Variants in RAB27B observed in about 807,000 individuals in gnomAD.
RAB27B encodes ras-related protein Rab-27B.
Under a neutral mutation model 24.6 loss-of-function variants are expected in RAB27B, and 15 were observed. The observed-to-expected ratio is 0.61, with a 90% CI of 0.41 to 0.94. RAB27B has a LOEUF of 0.94. RAB27B is among the 40% of genes least tolerant of loss of function. The probability of loss-of-function intolerance (pLI) is 0.00; values close to 1 mark genes in which losing one functional copy is unlikely to be tolerated. For missense variants in RAB27B, 261 were observed against 266.8 expected, an observed-to-expected ratio of 0.98 and a Z score of 0.15; for synonymous variants, 105 against 92.5, an observed-to-expected ratio of 1.14 and a Z score of -0.78.
At chr18:54,829,068 A>C (rs1251190491) in intron 1 of RAB27B, among the ~76,000 whole-genome samples, 1 of 152,234 alleles carries the variant, frequency 6.6e-6, no homozygotes, top group Non-Finnish European at 1.5e-5. Context: ...ATGGATGATG[A>C]TGTGCTCAGA....
At chr18:54,887,628 A>G (rs954770119) in intron 4 of RAB27B, among the ~76,000 whole-genome samples, 6 of 152,172 alleles carry the variant, frequency 3.9e-5, no homozygotes, top group East Asian at 1.9e-4. Context: ...CTTCATATAT[A>G]TTATTAGAAG....
intron 2 of RAB27B, among the ~76,000 whole-genome samples, chr18:54,793,101 T>C (rs1215959017): frequency 6.6e-6 from 1 of 152,184 alleles, no homozygotes; most frequent in Non-Finnish European, 1.5e-5. Context: ...CTGTAGTTTT[T>C]TTTTTTTTTA....
intron 2 of RAB27B, among the ~76,000 whole-genome samples, chr18:54,778,592 C>G (rs1908789725): frequency 6.6e-6 from 1 of 152,160 alleles, no homozygotes; most frequent in African/African-American, 2.4e-5. Flanking sequence ...TGATTCTGTC[C>G]TCCTGGAGTA....
chr18:54,822,120 C>T (rs1474329066), intron 2 of RAB27B, among the ~76,000 whole-genome samples: 1 of 152,072 alleles, frequency 6.6e-6, no homozygotes, highest in African/African-American at 2.4e-5. Flanking sequence ...GATAATTTCC[C>T]AAATTATACC....
rs1288483959 is a variant in RAB27B, at chr18:54,894,307, C to A, written c.*4894C>A. 1.3e-5 allele frequency: 2 copies of A among 151,930 alleles called. No individual in the cohort carries two copies. Among genetic ancestry groups the A allele is most frequent in the Non-Finnish European group, 2.9e-5 (2 of 67,888 alleles). The allele number at this position is 151,930 out of a possible 1,614,324, so 9.4% of individuals were successfully genotyped here. On this transcript the variant is annotated 3_prime_UTR_variant, in exon 6 of 6. Transcript: ENST00000262094. ...GTCATCTTTTCATTAAGTGGATTCC[C>A]TGGTTCCTTTCCAGCTGGTTGTGGA...
rs1309881386 is a variant in RAB27B, at chr18:54,828,496, A to C, written c.-224A>C. ...CCTGCCACTCGCAGTCCTGACGGGC[A>C]GGGGCTGCGGACCGCCCGGCCTTGG... On this transcript the variant is annotated 5_prime_UTR_variant, in exon 1 of 6. Coordinates refer to ENST00000262094, the MANE Select transcript of RAB27B (RefSeq NM_004163.4). 1 of 152,300 alleles carries C rather than the reference A, an allele frequency of 6.6e-6. No homozygotes were observed. Among genetic ancestry groups the C allele is most frequent in the African/African-American group, 2.4e-5 (1 of 41,460 alleles). 9.4% of individuals were successfully genotyped at this position (152,300 alleles called of 1,614,324 possible).
intron 2 of RAB27B, among the ~76,000 whole-genome samples, chr18:54,774,849 ATT>A (rs1908666454): frequency 6.6e-6 from 1 of 152,002 alleles, no homozygotes; most frequent in South Asian, 2.1e-4. Context: ...GCTGATGTTT[ATT>A]TGTATATTCT....
intron 3 of RAB27B, chr18:54,880,117 A>G (rs1177545780): frequency 6.6e-6 from 1 of 152,220 alleles, no homozygotes; most frequent in Non-Finnish European, 1.5e-5. Flanking sequence ...CATGAAATGA[A>G]CATTCTATTT....
chr18:54,783,295 A>G (rs976131600), intron 2 of RAB27B, among the ~76,000 whole-genome samples: 1 of 152,084 alleles, frequency 6.6e-6, no homozygotes, highest in Non-Finnish European at 1.5e-5. Flanking sequence ...TGCTTTTGGC[A>G]ACACACAAAG....
At chr18:54,878,760 T>TA (rs56249324) in intron 2 of RAB27B, among the ~76,000 whole-genome samples, 99,011 of 151,846 alleles carry the variant, frequency 0.65, 34,212 homozygotes, top group East Asian at 0.77. Flanking sequence ...AGAATTTTTT[T>TA]AAAAAAATTA....
intron 2 of RAB27B, among the ~76,000 whole-genome samples, chr18:54,792,526 A>ACACC (rs1447233808): frequency 6.6e-6 from 1 of 152,240 alleles, no homozygotes; most frequent in African/African-American, 2.4e-5. Flanking sequence ...ACTTAAATGA[A>ACACC]CACCCACGTT....
chr18:54,750,400 A>G (rs879291575), intron 2 of RAB27B, among the ~76,000 whole-genome samples: 1 of 152,214 alleles, frequency 6.6e-6, no homozygotes, highest in Admixed American at 6.5e-5. Flanking sequence ...GAACAACTGT[A>G]TAGAAATTGG....
chr18:54,798,098 T>C (rs1168075461), intron 2 of RAB27B, among the ~76,000 whole-genome samples: 1 of 152,222 alleles, frequency 6.6e-6, no homozygotes, highest in African/African-American at 2.4e-5. Flanking sequence ...TTCTCTTTCT[T>C]TTTCTCTGAT....
intron 2 of RAB27B, among the ~76,000 whole-genome samples, chr18:54,812,550 AACACACAC>A (rs10595171): frequency 0.16 from 22,554 of 139,088 alleles, 2,032 homozygotes; most frequent in East Asian, 0.36. Flanking sequence ...GAACTCCTTT[AACACACAC>A]ACACACACAC....
At chr18:54,811,462 C>T (rs1187421797) in intron 2 of RAB27B, among the ~76,000 whole-genome samples, 1 of 152,154 alleles carries the variant, frequency 6.6e-6, no homozygotes. Context: ...CAAACTACTG[C>T]ATTTTGAGAC....
chr18:54,811,051 A>T (rs1473989202), intron 2 of RAB27B, among the ~76,000 whole-genome samples: 1 of 151,960 alleles, frequency 6.6e-6, no homozygotes, highest in Non-Finnish European at 1.5e-5. Context: ...CCTATGAAAA[A>T]ATATAGCCTA....
chr18:54,888,183 C>T (rs1273822219), intron 5 of RAB27B, 65 bp downstream of exon 5: 63 of 1,545,564 alleles, frequency 4.1e-5, no homozygotes, highest in Non-Finnish European at 5.3e-5. Context: ...GGAGCAGAGA[C>T]ATTAGATTGA....
intron 4 of RAB27B, among the ~76,000 whole-genome samples, chr18:54,885,524 T>A (rs775275069): frequency 6.6e-6 from 1 of 152,166 alleles, no homozygotes; most frequent in East Asian, 1.9e-4. Context: ...CTTTTTTCTC[T>A]TCTCTCATTT....
chr18:54,886,593 T>C (rs1349859154), intron 4 of RAB27B, among the ~76,000 whole-genome samples: 2 of 152,270 alleles, frequency 1.3e-5, no homozygotes, highest in Admixed American at 1.3e-4. Context: ...TTTATTTCCA[T>C]TTAATATTGT....
Sources: gnomAD v4.1 joint callset for allele counts (sites outside exome capture counted in the v4.1 genomes callset) on GRCh38, gnomAD v4.1.1 for gene constraint, MANE v1.5 for transcripts, NCBI Gene and HGNC (gene_info 2026-07-23, HGNC 2026-07-21) for gene names.